The following BABAM2 variants were observed in gnomAD, a reference collection of about 807,000 sequenced individuals.
BABAM2 encodes BRISC and BRCA1 A complex member 2, also known as BRISC and BRCA1-A complex member 2.
Under a neutral mutation model 54.7 loss-of-function variants are expected in BABAM2, and 31 were observed. The observed-to-expected ratio is 0.57, with a 90% CI of 0.43 to 0.77. The LOEUF is 0.77. Ranked by LOEUF, BABAM2 falls within the 30% of genes least tolerant of loss-of-function variation. The probability of loss-of-function intolerance (pLI) is 0.00; values close to 1 mark genes in which losing one functional copy is unlikely to be tolerated. For synonymous variants in BABAM2, 167 were observed against 162.9 expected, an observed-to-expected ratio of 1.03 and a Z score of -0.19; for missense variants, 364 against 455.8, an observed-to-expected ratio of 0.80 and a Z score of 1.83.
chr2:28,089,941 A>T (rs1666017512), intron 6 of BABAM2, among the ~76,000 whole-genome samples: 1 of 151,676 alleles, frequency 6.6e-6, no homozygotes, highest in Non-Finnish European at 1.5e-5. Context: ...TTATAGAAAG[A>T]TTTAGGGATT....
At chr2:28,277,018 G>C (rs1259563684) in intron 10 of BABAM2, among the ~76,000 whole-genome samples, 2 of 152,134 alleles carry the variant, frequency 1.3e-5, no homozygotes, top group African/African-American at 4.8e-5. Context: ...CCCTCCCCGT[G>C]CAGCCTCATG....
At position 27,951,598 on chromosome 2, in the gene BABAM2, G is replaced by A. The variant is rs148647726; in HGVS notation, c.205+21690G>A. ...AAAGAATGTGTTCTATTTTTCTTTG[G>A]TAGAGTGTTCCATAATAGCAATTAG... On this transcript the variant is annotated intron_variant, in intron 3 of 11. Transcript: ENST00000379624. 6.3e-3 allele frequency among the ~76,000 whole-genome samples: 963 copies of A among 152,256 alleles called. 7 individuals are homozygous for A. Among genetic ancestry groups the A allele is most frequent in the Non-Finnish European group, 7.9e-3 (535 of 67,992 alleles).
At chr2:28,159,255 G>A (rs1266404733) in intron 7 of BABAM2, among the ~76,000 whole-genome samples, 1 of 152,124 alleles carries the variant, frequency 6.6e-6, no homozygotes. Flanking sequence ...GAAGATGTCC[G>A]ACACTCAAGA....
chr2:28,157,197 T>C (rs971112976), intron 7 of BABAM2, among the ~76,000 whole-genome samples: 6 of 152,180 alleles, frequency 3.9e-5, no homozygotes, highest in Non-Finnish European at 7.4e-5. Flanking sequence ...AGTATCATTA[T>C]CTTCAACAAA....
At chr2:28,198,701 T>G (rs183536968) in intron 7 of BABAM2, among the ~76,000 whole-genome samples, 2 of 152,244 alleles carry the variant, frequency 1.3e-5, no homozygotes, top group African/African-American at 4.8e-5. Flanking sequence ...TTAGATCGTA[T>G]AGTTGGCCAA....
intron 7 of BABAM2, among the ~76,000 whole-genome samples, chr2:28,194,885 AG>A (rs1438602187): frequency 6.6e-6 from 1 of 151,980 alleles, no homozygotes; most frequent in African/African-American, 2.4e-5. Context: ...TAATAGAAAC[AG>A]GGTTTTGCCA....
At chr2:28,031,169 C>T (rs116329464) in intron 5 of BABAM2, among the ~76,000 whole-genome samples, 1,599 of 152,190 alleles carry the variant, frequency 0.011, 23 homozygotes, top group African/African-American at 0.037. Flanking sequence ...TCATTTTCAG[C>T]GAGGCACTTG....
chr2:28,023,684 G>A (rs1422841044), intron 4 of BABAM2, among the ~76,000 whole-genome samples: 1 of 152,114 alleles, frequency 6.6e-6, no homozygotes, highest in Non-Finnish European at 1.5e-5. Flanking sequence ...ATAAATGAAA[G>A]AACACTTATG....
At chr2:28,202,754 T>C (rs1427774900) in intron 7 of BABAM2, among the ~76,000 whole-genome samples, 1 of 152,190 alleles carries the variant, frequency 6.6e-6, no homozygotes, top group Non-Finnish European at 1.5e-5. Context: ...TCTCATCCTT[T>C]CTTTAGACTT....
At chr2:28,241,481 C>T in intron 9 of BABAM2, 88 bp downstream of exon 9, 1 of 1,250,596 alleles carries the variant, frequency 8.0e-7, no homozygotes, top group East Asian at 2.4e-5. Flanking sequence ...GAAAATAGCA[C>T]TTAGTTCTTA....
Position 28,184,132 on chromosome 2 carries a change from C to T in BABAM2, c.681-53070C>T, listed in dbSNP as rs148132828. On this transcript the variant is annotated intron_variant, in intron 7 of 11. Transcript: ENST00000379624. ...AAAATAAAATAAATCTCTGGCTTAC[C>T]GTGAAAACTTTACAGATCCAGGACC... Among the ~76,000 whole-genome samples, 701 of 152,144 alleles carry T rather than the reference C, an allele frequency of 4.6e-3. 1 individual carries two copies. Among genetic ancestry groups the T allele is most frequent in the Non-Finnish European group, 8.3e-3 (563 of 68,022 alleles).
intron 3 of BABAM2, among the ~76,000 whole-genome samples, chr2:27,935,046 C>T (rs539644700): frequency 6.6e-6 from 1 of 152,070 alleles, no homozygotes; most frequent in South Asian, 2.1e-4. Context: ...GTAGATGGAA[C>T]AGGCTTATGT....
intron 7 of BABAM2, among the ~76,000 whole-genome samples, chr2:28,231,703 C>G (rs1048222867): frequency 3.5e-5 from 5 of 143,550 alleles, no homozygotes; most frequent in Non-Finnish European, 7.5e-5. Flanking sequence ...AGTAAAGTCT[C>G]TCTTGGAGTG....
At chr2:28,262,023 C>G (rs534676930) in intron 10 of BABAM2, among the ~76,000 whole-genome samples, 1 of 152,200 alleles carries the variant, frequency 6.6e-6, no homozygotes, top group Admixed American at 6.5e-5. Flanking sequence ...CATTTCTAGG[C>G]ATACACCAGA....
chr2:27,932,347 T>G (rs997003077), intron 3 of BABAM2, among the ~76,000 whole-genome samples: 1 of 152,218 alleles, frequency 6.6e-6, no homozygotes. Context: ...AGAATAAAAT[T>G]TAGAGATTCA....
At chr2:28,033,262 CTTG>C (rs1676427226) in intron 5 of BABAM2, among the ~76,000 whole-genome samples, 1 of 151,814 alleles carries the variant, frequency 6.6e-6, no homozygotes, top group Non-Finnish European at 1.5e-5. Context: ...TTTATATTGC[CTTG>C]TTAACATTTT....
At chr2:28,001,128 A>G (rs546576919) in intron 4 of BABAM2, among the ~76,000 whole-genome samples, 1 of 152,330 alleles carries the variant, frequency 6.6e-6, no homozygotes, top group South Asian at 2.1e-4. Flanking sequence ...GTGCATATCT[A>G]TAAATATTTG....
At chr2:28,314,665 A>G (rs1689361920) in intron 11 of BABAM2, among the ~76,000 whole-genome samples, 1 of 152,220 alleles carries the variant, frequency 6.6e-6, no homozygotes. Context: ...TGTGTAAGAT[A>G]CAGTCCCTGC....
chr2:28,321,740 T>C (rs1214526744), intron 11 of BABAM2, among the ~76,000 whole-genome samples: 1 of 151,608 alleles, frequency 6.6e-6, no homozygotes, highest in African/African-American at 2.4e-5. Flanking sequence ...CTCTAGGGAG[T>C]GTTGGTTTCC....
Sources: gnomAD v4.1 joint callset for allele counts (sites outside exome capture counted in the v4.1 genomes callset) on GRCh38, gnomAD v4.1.1 for gene constraint, MANE v1.5 for transcripts, NCBI Gene and HGNC (gene_info 2026-07-23, HGNC 2026-07-21) for gene names.